The following LARP1B variants were observed in gnomAD, a reference collection of about 807,000 sequenced individuals.
The protein encoded by LARP1B is La ribonucleoprotein 1B, also known as la-related protein 1B.
Under a neutral mutation model 114.2 loss-of-function variants are expected in LARP1B, and 76 were observed. The ratio of observed to expected loss-of-function variants is 0.67; its 90% CI spans 0.55 to 0.81. The LOEUF is 0.81. LARP1B is among the 30% of genes least tolerant of loss of function. The probability of loss-of-function intolerance (pLI) is 0.00; values close to 1 mark genes in which losing one functional copy is unlikely to be tolerated. For missense variants in LARP1B, 1,014 were observed against 1,075.8 expected, an observed-to-expected ratio of 0.94 and a Z score of 0.80; for synonymous variants, 345 against 348.0, an observed-to-expected ratio of 0.99 and a Z score of 0.10.
Position 128,122,126 on chromosome 4 carries a change from T to C in LARP1B, c.1462T>C (p.Leu488=), listed in dbSNP as rs776976148. ...SELAKVINDG[L]YYYEQDLWME... ...ACTTGCTAAAGTTATCAATGATGGCTTATACTATTATGAACAGGATCTATG... is the reference window on the plus strand; with the variant it reads ...ACTTGCTAAAGTTATCAATGATGGCCTATACTATTATGAACAGGATCTATG... The change falls in exon 11 of 20, where the codon TTA becomes CTA. Residue 488 remains leucine (L), a synonymous_variant. Transcript: ENST00000326639. 5.0e-6 allele frequency: 8 copies of C among 1,613,918 alleles called. No homozygotes were observed. In the East Asian group the frequency reaches 1.8e-4, roughly 36 times the overall value.
At chr4:128,176,982 G>T (rs1023859716) in intron 13 of LARP1B, 75 bp downstream of exon 13, 2 of 1,246,578 alleles carry the variant, frequency 1.6e-6, no homozygotes, top group Admixed American at 3.4e-5. Context: ...GCAGGAAAGG[G>T]ACTTTCAGAC....
chr4:128,171,105 AT>A (rs36056578), intron 12 of LARP1B, among the ~76,000 whole-genome samples: 53,153 of 147,086 alleles, frequency 0.36, 9,697 homozygotes, highest in East Asian at 0.51. Flanking sequence ...CTCCATAGAG[AT>A]TTTTTTTTTT....
At chr4:128,100,285 T>G (rs1779835645) in intron 8 of LARP1B, among the ~76,000 whole-genome samples, 1 of 150,700 alleles carries the variant, frequency 6.6e-6, no homozygotes. Flanking sequence ...TTTTTGTTTG[T>G]TTTTTGAGAC....
chr4:128,073,572 GTTTTTTTTTTTTTTTTTT>G (rs568197117), intron 1 of LARP1B, among the ~76,000 whole-genome samples: 108 of 39,970 alleles, frequency 2.7e-3, no homozygotes, highest in African/African-American at 8.8e-3. Flanking sequence ...TATTGTTGTC[GTTTTTTTTTTTTTTTTTT>G]TTTTTTTTTT....
At chr4:128,159,367 T>C (rs544788805) in intron 11 of LARP1B, among the ~76,000 whole-genome samples, 21 of 152,266 alleles carry the variant, frequency 1.4e-4, no homozygotes, top group African/African-American at 5.1e-4. Context: ...GTTACCCCTT[T>C]AGAGTCTAAC....
At chr4:128,087,843 TG>T (rs1168785980) in intron 5 of LARP1B, among the ~76,000 whole-genome samples, 1 of 151,322 alleles carries the variant, frequency 6.6e-6, no homozygotes, top group African/African-American at 2.4e-5. Flanking sequence ...CATACATGTG[TG>T]GGGGGGAGCA....
chr4:128,183,877 G>T (rs187102734), intron 15 of LARP1B, among the ~76,000 whole-genome samples: 6 of 152,298 alleles, frequency 3.9e-5, no homozygotes, highest in African/African-American at 1.4e-4. Context: ...CCTCATGGAT[G>T]ACTTTGAGAG....
intron 12 of LARP1B, among the ~76,000 whole-genome samples, chr4:128,173,585 T>C (rs1218841651): frequency 6.7e-6 from 1 of 150,188 alleles, no homozygotes; most frequent in African/African-American, 2.4e-5. Flanking sequence ...TGGAAAATCT[T>C]AGATAGTAAA....
At chr4:128,062,040 CGTTGCTGCG>C (rs1007935188) in intron 1 of LARP1B, 1 of 985,174 alleles carries the variant, frequency 1.0e-6, no homozygotes, top group African/African-American at 1.7e-5. Context: ...CCGTTGCCGC[CGTTGCTGCG>C]GGATCCGCCG....
At chr4:128,146,418 T>C (rs1423141570) in intron 11 of LARP1B, among the ~76,000 whole-genome samples, 3 of 152,230 alleles carry the variant, frequency 2.0e-5, no homozygotes, top group African/African-American at 7.2e-5. Context: ...CTATTCTATT[T>C]TTGTATATGT....
chr4:128,206,607 A>G, intron 18 of LARP1B, 70 bp downstream of exon 18: 7 of 1,521,104 alleles, frequency 4.6e-6, no homozygotes. Context: ...GTAAATAGGG[A>G]AGGAGTTCAT....
Position 128,077,677 on chromosome 4 carries a change from A to G in LARP1B, c.43-111A>G, listed in dbSNP as rs541442040. ...AAAGTAATTTTTTGCCTTTGATAAC[A>G]GTTTTTGTCATTTGTTTTGCAATTT... On this transcript the variant is annotated intron_variant, in intron 3 of 19. Coordinates refer to ENST00000326639, the MANE Select transcript of LARP1B (RefSeq NM_018078.4). 2.7e-5 allele frequency: 31 copies of G among 1,147,472 alleles called. No homozygotes were observed. In the East Asian group the frequency reaches 7.9e-4, roughly 29 times the overall value. 71.1% of individuals were successfully genotyped at this position (1,147,472 alleles called of 1,614,324 possible). A position where few individuals can be genotyped will look rare whatever the true frequency, so the allele number is the denominator to read the frequency against.
intron 11 of LARP1B, among the ~76,000 whole-genome samples, chr4:128,134,175 A>AT (rs560223826): frequency 6.6e-5 from 10 of 151,596 alleles, no homozygotes; most frequent in Non-Finnish European, 1.5e-4. Flanking sequence ...TAATTAATGA[A>AT]TTTTTTTTGT....
At chr4:128,213,237 CCATTTTAATCATTTTAAATGATTTAAT>C (rs557244125), downstream of LARP1B, among the ~76,000 whole-genome samples, 84 of 152,098 alleles carry the variant, frequency 5.5e-4, no homozygotes, top group Middle Eastern at 3.4e-3. Flanking sequence ...ATTAATGTCA[CCATTTTAATCATTTTAAATGATTTAAT>C]CATTTTAATC....
At chr4:128,086,835 C>G (rs1326042922) in intron 5 of LARP1B, among the ~76,000 whole-genome samples, 1 of 152,026 alleles carries the variant, frequency 6.6e-6, no homozygotes, top group Admixed American at 6.6e-5. Context: ...AAGCCTCACT[C>G]TGTCACCCAG....
At position 128,199,432 on chromosome 4, in the gene LARP1B, C is replaced by G; in HGVS notation, c.2004-7C>G. On this transcript the variant is annotated splice_region_variant and splice_polypyrimidine_tract_variant and intron_variant, in intron 15 of 19. Coordinates refer to ENST00000326639, the MANE Select transcript of LARP1B (RefSeq NM_018078.4). ...TTTTGAAGGCTTTTTTCCCCTTTCTCAAACAGCACTTCAAATGCTTCACCT... is the reference window on the plus strand; with the variant it reads ...TTTTGAAGGCTTTTTTCCCCTTTCTGAAACAGCACTTCAAATGCTTCACCT... The G allele has an allele frequency of 6.7e-7, 1 of 1,491,562 alleles. No homozygotes were observed. Among genetic ancestry groups the G allele is most frequent in the South Asian group, 1.5e-5 (1 of 67,262 alleles). The allele number at this position is 1,491,562 out of a possible 1,614,324, so 92.4% of individuals were successfully genotyped here.
intron 12 of LARP1B, among the ~76,000 whole-genome samples, chr4:128,164,897 A>G (rs1346008085): frequency 2.6e-5 from 4 of 152,162 alleles, no homozygotes; most frequent in African/African-American, 9.7e-5. Context: ...GTGTAGTCAT[A>G]CGTAGGAAAA....
rs1436268348 is a variant in LARP1B, at chr4:128,210,285, A to G, written c.*232A>G. On this transcript the variant is annotated 3_prime_UTR_variant, in exon 20 of 20. Transcript: ENST00000326639. Reference sequence around the variant, plus strand: ...TTTCCCTGATTTCACAAACAAGGATAGTCTTGGTGACCTTTTATAGAGATC... The same window carrying G: ...TTTCCCTGATTTCACAAACAAGGATGGTCTTGGTGACCTTTTATAGAGATC... The G allele has an allele frequency of 2.2e-6, 3 of 1,347,032 alleles. No individual in the cohort carries two copies. The highest frequency in any genetic ancestry group is 2.9e-6 in the Non-Finnish European group (3 of 1,049,368). The allele number at this position is 1,347,032 out of a possible 1,614,324, so 83.4% of individuals were successfully genotyped here.
chr4:128,071,917 T>A (rs1017270498), intron 1 of LARP1B, among the ~76,000 whole-genome samples: 2 of 152,162 alleles, frequency 1.3e-5, no homozygotes, highest in African/African-American at 4.8e-5. Flanking sequence ...CCCTTAAAAA[T>A]ATATTATTTT....
Sources: gnomAD v4.1 joint callset for allele counts (sites outside exome capture counted in the v4.1 genomes callset) on GRCh38, gnomAD v4.1.1 for gene constraint, MANE v1.5 for transcripts, NCBI Gene and HGNC (gene_info 2026-07-23, HGNC 2026-07-21) for gene names.